VPS50: variants seen among roughly 807,000 people sequenced by gnomAD.
VPS50 encodes syndetin.
Under a neutral mutation model 139.7 loss-of-function variants are expected in VPS50, and 70 were observed. The observed-to-expected ratio is 0.50, with a 90% CI of 0.41 to 0.61. The LOEUF (loss-of-function observed/expected upper bound fraction) is 0.61, where lower values mean the gene tolerates loss of function less well. Among genes scored for constraint, VPS50 ranks in the 20% least tolerant of loss-of-function variants. The pLI is 0.00. For missense variants in VPS50, 921 were observed against 1,133.7 expected (o/e 0.81, Z 2.69); for synonymous variants, 365 against 376.7 (o/e 0.97, Z 0.36).
chr7:93,311,988 ATATTC>A (rs1797282630), intron 20 of VPS50, among the ~76,000 whole-genome samples: 2 of 152,260 alleles, frequency 1.3e-5, no homozygotes, highest in Non-Finnish European at 2.9e-5. Flanking sequence ...AAAAATCTCT[ATATTC>A]TATCTATGGA....
At chr7:93,342,986 T>A (rs1057170494) in intron 23 of VPS50, among the ~76,000 whole-genome samples, 2 of 152,216 alleles carry the variant, frequency 1.3e-5, no homozygotes, top group African/African-American at 4.8e-5. Flanking sequence ...GGACGGAGAA[T>A]GACTTTGACG....
intron 4 of VPS50, 101 bp downstream of exon 4, chr7:93,254,032 CAT>C (rs1795416033): frequency 1.8e-6 from 1 of 560,356 alleles, no homozygotes; most frequent in Admixed American, 3.3e-5. Flanking sequence ...TAACAATTAA[CAT>C]AGAAACAAAT....
rs761124862 is a variant in VPS50 at position 93,341,466 on chromosome 7, G to A, written c.2098G>A (p.Glu700Lys). 6.3e-5 allele frequency: 102 copies of A among 1,612,924 alleles called. No homozygotes were observed. The highest frequency in any genetic ancestry group is 8.2e-5 in the Non-Finnish European group (97 of 1,179,560). ...TCCTACTGCCACACTCACAGCAGCA[G>A]AAGAAAGAAAGGAGAAGGTGCCAAG... ...ADPTATLTAAEERKEKVPSPH... is the reference protein window; with the variant it reads ...ADPTATLTAAKERKEKVPSPH... Residue 700 changes from glutamate (E) to lysine (K), a missense_variant, in exon 23 of 28, where the codon GAA becomes AAA. By Grantham distance (56) the Glu-to-Lys change is moderately conservative. Transcript: ENST00000305866.
At chr7:93,294,326 T>C (rs1796738336) in intron 13 of VPS50, among the ~76,000 whole-genome samples, 1 of 152,110 alleles carries the variant, frequency 6.6e-6, no homozygotes. Flanking sequence ...TCAGTGGTCT[T>C]AGGTATATTT....
chr7:93,331,713 G>A lies in VPS50; in HGVS notation c.1978-2404G>A, dbSNP rs193300042. Among the ~76,000 whole-genome samples, 7 of 152,204 alleles carry A rather than the reference G, an allele frequency of 4.6e-5. 1 individual carries two copies. In the East Asian group the frequency reaches 7.7e-4, roughly 17 times the overall value. On this transcript the variant is annotated intron_variant, in intron 21 of 27. Transcript: ENST00000305866. ...TTTGAAAAGACACAAAAAGCATGAAGCATAAAAGAAAATATTGATAAAATG... is the reference window on the plus strand; with the variant it reads ...TTTGAAAAGACACAAAAAGCATGAAACATAAAAGAAAATATTGATAAAATG...
intron 1 of VPS50, among the ~76,000 whole-genome samples, chr7:93,234,660 T>C (rs1024288686): frequency 6.6e-6 from 1 of 152,228 alleles, no homozygotes; most frequent in Non-Finnish European, 1.5e-5. Flanking sequence ...TAAGTATACA[T>C]GAAAGTATTT....
chr7:93,255,693 A>G (rs1354373162), intron 4 of VPS50, among the ~76,000 whole-genome samples: 1 of 152,230 alleles, frequency 6.6e-6, no homozygotes, highest in Non-Finnish European at 1.5e-5. Context: ...TGTATCTAAA[A>G]ATTAATGTAC....
At chr7:93,269,053 T>C (rs1407984674) in intron 9 of VPS50, among the ~76,000 whole-genome samples, 2 of 152,066 alleles carry the variant, frequency 1.3e-5, no homozygotes, top group African/African-American at 2.4e-5. Context: ...ATGCTGTGAA[T>C]TGAGACAGAG....
At chr7:93,249,177 T>C (rs1026025905) in intron 2 of VPS50, among the ~76,000 whole-genome samples, 1 of 152,162 alleles carries the variant, frequency 6.6e-6, no homozygotes, top group Admixed American at 6.6e-5. Context: ...ATATACAGAT[T>C]GTACTCCTTT....
intron 18 of VPS50, 103 bp downstream of exon 18, chr7:93,306,107 C>G: frequency 2.6e-6 from 2 of 764,736 alleles, no homozygotes; most frequent in Non-Finnish European, 4.5e-6. Flanking sequence ...TTACTACCAC[C>G]CTGCCTGCCT....
intron 22 of VPS50, among the ~76,000 whole-genome samples, chr7:93,335,517 T>C (rs908961556): frequency 1.3e-5 from 2 of 152,192 alleles, no homozygotes; most frequent in Non-Finnish European, 2.9e-5. Flanking sequence ...GATATTTGTT[T>C]AATCCTTGAT....
intron 12 of VPS50, among the ~76,000 whole-genome samples, chr7:93,280,527 T>C (rs1379443161): frequency 6.6e-6 from 1 of 152,172 alleles, no homozygotes; most frequent in Non-Finnish European, 1.5e-5. Context: ...GTACCCTACA[T>C]ATTTACACCA....
chr7:93,328,539 A>G (rs4729078), intron 21 of VPS50, among the ~76,000 whole-genome samples: 31,379 of 152,146 alleles, frequency 0.21, 3,777 homozygotes, highest in Admixed American at 0.35. Context: ...TCTGAATACT[A>G]TAGAAAAGGC....
At chr7:93,274,249 A>G (rs751636342) in intron 11 of VPS50, among the ~76,000 whole-genome samples, 2 of 152,258 alleles carry the variant, frequency 1.3e-5, no homozygotes, top group South Asian at 2.1e-4. Context: ...ACAGCCTTCT[A>G]TTGGAAGAAG....
intron 20 of VPS50, among the ~76,000 whole-genome samples, chr7:93,322,655 G>A (rs1196943792): frequency 6.7e-6 from 1 of 150,086 alleles, no homozygotes; most frequent in Non-Finnish European, 1.5e-5. Context: ...CAGTTAAGAT[G>A]AAGTAGAGCC....
In VPS50 at chr7:93,341,455, TCA is replaced by T; in HGVS notation, c.2090_2091del (p.Thr697SerfsTer44). ...GTTTCAGCTGATCCTACTGCCACAC[TCA>T]CAGCAGCAGAAGAAAGAAAGGAGAA... is the stretch of plus-strand genomic sequence containing the variant. On this transcript the variant is annotated frameshift_variant, in exon 23 of 28. Coordinates refer to ENST00000305866, the MANE Select transcript of VPS50 (RefSeq NM_017667.4). LOFTEE classifies it high-confidence loss of function. 6.2e-7 allele frequency: 1 copy of T among 1,611,898 alleles called. No homozygotes were observed. The highest frequency in any genetic ancestry group is 8.5e-7 in the Non-Finnish European group (1 of 1,179,200).
At chr7:93,351,824 T>C (rs2117088167) in intron 25 of VPS50, among the ~76,000 whole-genome samples, 1 of 152,330 alleles carries the variant, frequency 6.6e-6, no homozygotes, top group Non-Finnish European at 1.5e-5. Flanking sequence ...AAGATTTCTG[T>C]GCTCAACAGA....
chr7:93,237,028 G>A (rs1444786630), intron 1 of VPS50, among the ~76,000 whole-genome samples: 3 of 126,942 alleles, frequency 2.4e-5, no homozygotes, highest in Non-Finnish European at 4.7e-5. Context: ...TCGGCTCACT[G>A]CAAGCTCCGC....
At position 93,359,570 on chromosome 7, in the gene VPS50, C is replaced by G. The variant is rs980019470; in HGVS notation, c.*1134C>G. 6.6e-6 allele frequency: 1 copy of G among 152,064 alleles called. No homozygotes were observed. The highest frequency in any genetic ancestry group is 2.4e-5 in the African/African-American group (1 of 41,404). 9.4% of individuals were successfully genotyped at this position (152,064 alleles called of 1,614,324 possible). On this transcript the variant is annotated 3_prime_UTR_variant, in exon 28 of 28. Transcript: ENST00000305866. Reference sequence around the variant, plus strand: ...TCTGATAAGGAATTTTGTGTGTGTTCTTTCTGACTGGAGAGTGGAGGACAT... The same window carrying G: ...TCTGATAAGGAATTTTGTGTGTGTTGTTTCTGACTGGAGAGTGGAGGACAT...
Sources: gnomAD v4.1 joint callset for allele counts (sites outside exome capture counted in the v4.1 genomes callset) on GRCh38, gnomAD v4.1.1 for gene constraint, MANE v1.5 for transcripts, NCBI Gene and HGNC (gene_info 2026-07-23, HGNC 2026-07-21) for gene names.